The following RFTN2 variants were observed in gnomAD, a reference collection of about 807,000 sequenced individuals.
RFTN2 encodes the protein raftlin family member 2.
RFTN2 carries 34 observed loss-of-function variants against 52.7 expected under a neutral mutation model. The ratio of observed to expected loss-of-function variants is 0.64; its 90% CI spans 0.49 to 0.86. The LOEUF (loss-of-function observed/expected upper bound fraction) is 0.86, where lower values mean the gene tolerates loss of function less well. Ranked by LOEUF, RFTN2 falls within the 40% of genes least tolerant of loss-of-function variation. The pLI, the probability that RFTN2 is intolerant of heterozygous loss-of-function variation, is 0.00. For synonymous variants in RFTN2, 203 were observed against 217.7 expected, an observed-to-expected ratio of 0.93 and a Z score of 0.59; for missense variants, 536 against 600.1, an observed-to-expected ratio of 0.89 and a Z score of 1.12.
chr2:197,577,563 G>T (rs1407938621), intron 8 of RFTN2, among the ~76,000 whole-genome samples: 1 of 152,242 alleles, frequency 6.6e-6, no homozygotes, highest in East Asian at 1.9e-4. Flanking sequence ...CTGGGGCATT[G>T]GTCAGCAAGG....
chr2:197,627,303 A>T (rs1186398752), intron 5 of RFTN2, among the ~76,000 whole-genome samples: 1 of 152,142 alleles, frequency 6.6e-6, no homozygotes, highest in Non-Finnish European at 1.5e-5. Context: ...TCTTTAAGTG[A>T]GTTCTTCCCT....
chr2:197,635,095 C>T (rs1272767766), intron 3 of RFTN2, among the ~76,000 whole-genome samples: 2 of 152,008 alleles, frequency 1.3e-5, no homozygotes, highest in African/African-American at 2.4e-5. Flanking sequence ...CATAGTATTC[C>T]ATGGTGTATA....
chr2:197,576,521 T>C (rs916469367), intron 8 of RFTN2, among the ~76,000 whole-genome samples: 1 of 152,216 alleles, frequency 6.6e-6, no homozygotes, highest in African/African-American at 2.4e-5. Context: ...TTTTCCTAAA[T>C]GTAAGAGGTA....
At chr2:197,627,484 A>C (rs1476655344) in intron 5 of RFTN2, among the ~76,000 whole-genome samples, 3 of 152,230 alleles carry the variant, frequency 2.0e-5, no homozygotes, top group Non-Finnish European at 4.4e-5. Flanking sequence ...GGGTCCTGGC[A>C]TATATGAAAT....
chr2:197,641,888 A>T (rs1338332844), intron 3 of RFTN2, among the ~76,000 whole-genome samples: 1 of 152,232 alleles, frequency 6.6e-6, no homozygotes, highest in African/African-American at 2.4e-5. Flanking sequence ...CTAATTGCTG[A>T]AATAACAGTA....
chr2:197,584,316 A>C (rs578118095), intron 8 of RFTN2, among the ~76,000 whole-genome samples: 1 of 152,144 alleles, frequency 6.6e-6, no homozygotes, highest in Non-Finnish European at 1.5e-5. Flanking sequence ...AATGATCGCC[A>C]TTCTAACTGG....
intron 1 of RFTN2, among the ~76,000 whole-genome samples, chr2:197,665,876 G>A (rs948889303): frequency 1.3e-5 from 2 of 151,990 alleles, no homozygotes; most frequent in African/African-American, 2.4e-5. Flanking sequence ...TAGCTTGGTG[G>A]TTTTCTGTAG....
intron 8 of RFTN2, among the ~76,000 whole-genome samples, chr2:197,577,203 G>A (rs1176507092): frequency 6.6e-6 from 1 of 152,224 alleles, no homozygotes; most frequent in Non-Finnish European, 1.5e-5. Flanking sequence ...TTGGGCACAT[G>A]TCATCAGGAC....
At chr2:197,608,162 A>G (rs6719483) in intron 7 of RFTN2, among the ~76,000 whole-genome samples, 102,659 of 152,004 alleles carry the variant, frequency 0.68, 34,967 homozygotes, top group Middle Eastern at 0.86. Context: ...GACTCCACAG[A>G]CTTCCAGTGC....
At chr2:197,605,984 A>G (rs766656530) in intron 7 of RFTN2, among the ~76,000 whole-genome samples, 26 of 151,830 alleles carry the variant, frequency 1.7e-4, no homozygotes, top group Non-Finnish European at 3.2e-4. Context: ...CTCTTTTTTC[A>G]TTATTGCTTC....
In RFTN2 at chr2:197,607,101, C is replaced by T. The variant is rs182946961; in HGVS notation, c.1154+8775G>A. 4.2e-3 allele frequency among the ~76,000 whole-genome samples: 638 copies of T among 152,190 alleles called. 5 individuals are homozygous for T. The highest frequency in any genetic ancestry group is 0.015 in the African/African-American group (605 of 41,510). The stretch of plus-strand genomic sequence containing the variant: ...AACCCAAATGTCCAACAATGATAGA[C>T]TGGATTAAGAAAATGTGGCACATAT... On this transcript the variant is annotated intron_variant, in intron 7 of 8. Transcript: ENST00000295049.
chr2:197,644,404 G>T, intron 2 of RFTN2, 132 bp from the exon 3 acceptor site: 1 of 516,924 alleles, frequency 1.9e-6, no homozygotes, highest in Non-Finnish European at 3.5e-6. Flanking sequence ...AAACCTGATG[G>T]CTATCTTCTT....
At chr2:197,597,803 C>T (rs920350585) in intron 7 of RFTN2, among the ~76,000 whole-genome samples, 2 of 152,158 alleles carry the variant, frequency 1.3e-5, no homozygotes, top group Non-Finnish European at 2.9e-5. Context: ...CAGGTGTGAG[C>T]CACTGCGCCC....
chr2:197,584,552 C>T (rs1016483663), intron 8 of RFTN2, among the ~76,000 whole-genome samples: 7 of 152,156 alleles, frequency 4.6e-5, no homozygotes, highest in African/African-American at 1.7e-4. Flanking sequence ...TTCTCCCACT[C>T]TGTAGGTTGC....
In RFTN2 at chr2:197,633,935, T is replaced by C. The variant is rs904888306; in HGVS notation, c.501A>G (p.Pro167=). The change falls in exon 4 of 9, where the codon CCA becomes CCG. Residue 167 remains proline, a synonymous_variant. Transcript: ENST00000295049. ...FVGFISQHYS[P]SKFCNGTNHD... ...GGTTGGTTCCATTGCAGAATTTAGA[T>C]GGAGAATAATGCTGTGATATGAATC... 6.2e-7 allele frequency: 1 copy of C among 1,613,482 alleles called. No individual in the cohort carries two copies. The highest frequency in any genetic ancestry group is 8.5e-7 in the Non-Finnish European group (1 of 1,179,486).
intron 8 of RFTN2, among the ~76,000 whole-genome samples, chr2:197,584,859 G>A (rs1003531734): frequency 1.1e-4 from 16 of 152,044 alleles, no homozygotes; most frequent in African/African-American, 2.7e-4. Flanking sequence ...CAGGAAATTC[G>A]CCAGGCTGCT....
chr2:197,630,707 G>C (rs3828317), intron 5 of RFTN2, among the ~76,000 whole-genome samples: 70,952 of 151,976 alleles, frequency 0.47, 16,956 homozygotes, highest in Middle Eastern at 0.57. Flanking sequence ...CTCCCGTTTG[G>C]ACTATTATAG....
intron 1 of RFTN2, among the ~76,000 whole-genome samples, chr2:197,665,532 T>TTTTTTTTTTTTTC: frequency 6.8e-6 from 1 of 146,650 alleles, no homozygotes; most frequent in African/African-American, 2.5e-5. Context: ...TTTTTTTTTT[T>TTTTTTTTTTTTTC]TACTGTTTTC....
chr2:197,659,225 G>A (rs113941027), intron 1 of RFTN2, among the ~76,000 whole-genome samples: 3,637 of 152,182 alleles, frequency 0.024, 139 homozygotes, highest in African/African-American at 0.083. Flanking sequence ...TTAGGGCCAG[G>A]CATGATGGCT....
Sources: allele counts gnomAD v4.1 joint callset (sites outside exome capture counted in the v4.1 genomes callset), GRCh38; gene constraint gnomAD v4.1.1; transcripts MANE v1.5; gene names NCBI Gene and HGNC (gene_info 2026-07-23, HGNC 2026-07-21).